The following TBK1 variants were observed in gnomAD, a reference collection of about 807,000 sequenced individuals.
TBK1 encodes serine/threonine-protein kinase TBK1.
A neutral mutation model predicts 99.9 loss-of-function variants in TBK1; 37 were observed. The observed-to-expected ratio is 0.37, with a 90% confidence interval of 0.28 to 0.49. The LOEUF (loss-of-function observed/expected upper bound fraction) is 0.49, where lower values mean the gene tolerates loss of function less well. Ranked by LOEUF, TBK1 falls within the 20% of genes least tolerant of loss-of-function variation. The pLI is 0.98. For missense variants in TBK1, 644 were observed against 872.5 expected (o/e 0.74, Z 3.30); for synonymous variants, 258 against 279.8 (o/e 0.92, Z 0.78).
At chr12:64,460,029 CT>C (rs2136056458) in intron 2 of TBK1, among the ~76,000 whole-genome samples, 159 bp from the exon 3 acceptor site, 1 of 152,262 alleles carries the variant, frequency 6.6e-6, no homozygotes, top group South Asian at 2.1e-4. Context: ...TTCATTTTAA[CT>C]TTTTAGAAAA....
chr12:64,459,366 T>C (rs947416958), intron 2 of TBK1, among the ~76,000 whole-genome samples: 5 of 152,272 alleles, frequency 3.3e-5, no homozygotes, highest in African/African-American at 1.2e-4. Flanking sequence ...GAAGAACATA[T>C]AAATATGATG....
In TBK1 at chr12:64,455,920, A is replaced by G. The variant is rs747864223; in HGVS notation, c.50A>G (p.Gln17Arg). The G allele has an allele frequency of 5.0e-6, 8 of 1,613,876 alleles. No homozygotes were observed. ...HLWLLSDILG[Q>R]GATANVFRGR... ...TGGCTTTTATCTGATATTTTAGGCC[A>G]AGGAGCTACTGCAAATGTCTTTCGT... Residue 17 changes from glutamine (Q) to arginine (R), a missense_variant, in exon 2 of 21, where the codon CAA (glutamine) becomes CGA (arginine). Coordinates refer to ENST00000331710, the MANE Select transcript of TBK1 (RefSeq NM_013254.4).
At chr12:64,479,270 C>T (rs1443335336) in intron 6 of TBK1, among the ~76,000 whole-genome samples, 1 of 152,164 alleles carries the variant, frequency 6.6e-6, no homozygotes, top group East Asian at 1.9e-4. Flanking sequence ...ATTCACTTCT[C>T]TTTTGCATTA....
rs1177374825 is a variant in TBK1, at chr12:64,501,973, A to G, written c.*592A>G. The G allele has an allele frequency of 2.0e-5, 3 of 152,672 alleles. No homozygotes were observed. Among genetic ancestry groups the G allele is most frequent in the Non-Finnish European group, 4.4e-5 (3 of 68,060 alleles). The allele number at this position is 152,672 out of a possible 1,614,324, so 9.5% of individuals were successfully genotyped here. On this transcript the variant is annotated 3_prime_UTR_variant, in exon 21 of 21. Transcript: ENST00000331710. ...TTTTAAAGTGAATTCATTATTAAAA[A>G]CTATTCATTTTTTTCCTTTGGCCAT...
intron 6 of TBK1, among the ~76,000 whole-genome samples, chr12:64,478,016 A>C (rs184611082): frequency 5.3e-5 from 8 of 152,378 alleles, no homozygotes; most frequent in Admixed American, 2.6e-4. Context: ...CAGACCACAT[A>C]CACATAAAAC....
chr12:64,459,774 C>T (rs2040526408), intron 2 of TBK1, among the ~76,000 whole-genome samples: 1 of 152,192 alleles, frequency 6.6e-6, no homozygotes, highest in Non-Finnish European at 1.5e-5. Flanking sequence ...TGTTCAGTCT[C>T]TCTCTCCTGC....
chr12:64,468,181 C>CT (rs1034863096), intron 5 of TBK1, among the ~76,000 whole-genome samples: 25 of 151,848 alleles, frequency 1.6e-4, no homozygotes, highest in African/African-American at 5.6e-4. Flanking sequence ...AAGCAAGACT[C>CT]TGTCTCTTAA....
intron 11 of TBK1, among the ~76,000 whole-genome samples, chr12:64,487,944 A>T (rs988548498): frequency 2.0e-5 from 3 of 152,230 alleles, no homozygotes; most frequent in African/African-American, 7.2e-5. Context: ...ATATTCCAAA[A>T]GTCAAATCTT....
At position 64,467,096 on chromosome 12, in the gene TBK1, C is replaced by T. The variant is rs761288582; in HGVS notation, c.540+14C>T. On this transcript the variant is annotated intron_variant, in intron 5 of 20. Coordinates refer to ENST00000331710, the MANE Select transcript of TBK1 (RefSeq NM_013254.4). ...GAAGAATATTTGGTAAGTCATGTAT[C>T]ACTAATATTTTCATTTAAAGAAGCT... 5.2e-6 allele frequency: 8 copies of T among 1,526,544 alleles called. No individual in the cohort carries two copies. Among genetic ancestry groups the T allele is most frequent in the Non-Finnish European group, 7.1e-6 (8 of 1,131,810 alleles). The allele number at this position is 1,526,544 out of a possible 1,614,324, so 94.6% of individuals were successfully genotyped here.
chr12:64,501,303 C>CG (rs775043146), intron 20 of TBK1, 27 bp from the exon 21 acceptor site: 3 of 1,611,218 alleles, frequency 1.9e-6, no homozygotes, highest in Non-Finnish European at 2.5e-6. Flanking sequence ...TTGAGATTAC[C>CG]TTTTTTTCTT....
At chr12:64,464,234 T>C in intron 3 of TBK1, 100 bp from the exon 4 acceptor site, 1 of 965,388 alleles carries the variant, frequency 1.0e-6, no homozygotes, top group Non-Finnish European at 1.5e-6. Context: ...GCCTTCATCA[T>C]TGTAGCAAAT....
chr12:64,484,010 T>TAC (rs71092971), intron 8 of TBK1: 4,519 of 155,078 alleles, frequency 0.029, 82 homozygotes, highest in African/African-American at 0.05. Context: ...CTGTCTCACA[T>TAC]ACACACACAC....
chr12:64,484,744 C>G (rs1330140621), intron 9 of TBK1, among the ~76,000 whole-genome samples: 6 of 151,888 alleles, frequency 4.0e-5, no homozygotes, highest in African/African-American at 1.5e-4. Flanking sequence ...AGTGTGGGAC[C>G]CTGTCTCAAA....
At chr12:64,476,112 G>C (rs1201240998) in intron 6 of TBK1, among the ~76,000 whole-genome samples, 1 of 145,734 alleles carries the variant, frequency 6.9e-6, no homozygotes, top group Non-Finnish European at 1.5e-5. Flanking sequence ...TTGATGATTA[G>C]TGGTTTTTTC....
At position 64,464,345 on chromosome 12, in the gene TBK1, A is replaced by G. The variant is rs1158170444; in HGVS notation, c.240A>G (p.Arg80=). The G allele has an allele frequency of 2.5e-6, 4 of 1,584,248 alleles. No homozygotes were observed. Among genetic ancestry groups the G allele is most frequent in the Non-Finnish European group, 3.4e-6 (4 of 1,170,054 alleles). The change falls in exon 4 of 21, where the codon AGA becomes AGG. Residue 80 remains arginine (R), a synonymous_variant. Transcript: ENST00000331710. ...LFAIEEETTT[R]HKVLIMEFCP... ...ATTTTTTTTTTCAGACAACAACAAG[A>G]CATAAAGTACTTATTATGGAATTTT...
intron 6 of TBK1, among the ~76,000 whole-genome samples, chr12:64,479,613 T>G (rs894917684): frequency 1.3e-4 from 20 of 152,208 alleles, no homozygotes; most frequent in African/African-American, 4.8e-4. Flanking sequence ...CTGCAGAAAC[T>G]TTAGTTGTGC....
At chr12:64,485,645 C>A (rs2040813569) in intron 10 of TBK1, 132 bp downstream of exon 10, 1 of 489,916 alleles carries the variant, frequency 2.0e-6, no homozygotes. Flanking sequence ...AAATTGATAC[C>A]CTTTCCAAGT....
Position 64,481,947 on chromosome 12 carries a change from T to C in TBK1, c.918T>C (p.Leu306=). Residue 306 remains leucine, a synonymous_variant, in exon 8 of 21, where the codon CTT becomes CTC. Transcript: ENST00000331710. The part of the protein sequence containing the change: ...DQFFAETSDI[L]HRMVIHVFSL... ...TTTTTGCAGAAACTAGTGATATACTTCACCGAATGGTAATTCATGTTTTTT... is the reference window on the plus strand; with the variant it reads ...TTTTTGCAGAAACTAGTGATATACTCCACCGAATGGTAATTCATGTTTTTT... 6.2e-7 allele frequency: 1 copy of C among 1,610,424 alleles called. No individual in the cohort carries two copies. The highest frequency in any genetic ancestry group is 8.5e-7 in the Non-Finnish European group (1 of 1,178,362).
chr12:64,465,140 G>C (rs1448389943), intron 4 of TBK1, among the ~76,000 whole-genome samples: 1 of 150,676 alleles, frequency 6.6e-6, no homozygotes, highest in Non-Finnish European at 1.5e-5. Context: ...AGCTACTCAG[G>C]AGGCTGTGGT....
Sources: allele counts gnomAD v4.1 joint callset (sites outside exome capture counted in the v4.1 genomes callset), GRCh38; gene constraint gnomAD v4.1.1; transcripts MANE v1.5; gene names NCBI Gene and HGNC (gene_info 2026-07-23, HGNC 2026-07-21).